The following MEIOC variants were observed in gnomAD, a reference collection of about 807,000 sequenced individuals.
The protein encoded by MEIOC is meiosis specific with coiled-coil domain.
In MEIOC, 9 loss-of-function variants were observed where a neutral mutation model predicts 85.3. The ratio of observed to expected loss-of-function variants is 0.11; its 90% CI spans 0.06 to 0.18. The LOEUF is 0.18. MEIOC is among the 10% of genes least tolerant of loss of function. The pLI is 1.00. For synonymous variants in MEIOC, 365 were observed against 393.7 expected, an observed-to-expected ratio of 0.93 and a Z score of 0.86; for missense variants, 898 against 1,129.4, an observed-to-expected ratio of 0.80 and a Z score of 2.94.
chr17:44,669,122 G>C (rs1971958966), intron 5 of MEIOC, among the ~76,000 whole-genome samples: 1 of 151,904 alleles, frequency 6.6e-6, no homozygotes, highest in Admixed American at 6.6e-5. Flanking sequence ...AGAATCGCTT[G>C]AACCCGGGAA....
In MEIOC at chr17:44,674,644, A is replaced by G. The variant is rs1329052912; in HGVS notation, c.*448A>G. 27 of 988,088 alleles carry G rather than the reference A, an allele frequency of 2.7e-5. No homozygotes were observed. In the South Asian group the frequency reaches 1.2e-3, roughly 44 times the overall value. The allele number at this position is 988,088 out of a possible 1,614,324, so 61.2% of individuals were successfully genotyped here. A position where few individuals can be genotyped will look rare whatever the true frequency, so the allele number is the denominator to read the frequency against. ...CAAGACAAGTTTTGATTGTGATATC[A>G]AAGTGTTTTCCTTACAAAACTGGAT... On this transcript the variant is annotated 3_prime_UTR_variant, in exon 8 of 8. Transcript: ENST00000409122.
At chr17:44,676,397 AGTT>A (rs574561209), downstream of MEIOC, 48 of 152,332 alleles carry the variant, frequency 3.2e-4, no homozygotes, top group African/African-American at 1.0e-3. Flanking sequence ...AATTACCTTG[AGTT>A]GTTATCAGTG....
intron 3 of MEIOC, among the ~76,000 whole-genome samples, chr17:44,663,334 A>G (rs1444756207): frequency 6.6e-6 from 1 of 152,020 alleles, no homozygotes. Flanking sequence ...ATGGGAGCCT[A>G]TTGCAAAGAG....
rs144880520 is a variant in MEIOC, at chr17:44,667,140, C to G, written c.1229C>G (p.Ala410Gly). The change falls in exon 5 of 8, where the codon GCA becomes GGA. Residue 410 changes from alanine (A) to glycine (G), a missense_variant. Physicochemically the swap from Ala to Gly is moderately conservative, Grantham distance 60 (BLOSUM62 0). Around this residue, in one of 2 missense-constraint regions of MEIOC, gnomAD observed 734 missense variants for 860.1 expected, o/e 0.85. Coordinates refer to ENST00000409122, the MANE Select transcript of MEIOC (RefSeq NM_001145080.3). ...HLTEKQFAKE[A>G]VFTADFGLTS... ...ACAGAGAAACAGTTTGCAAAGGAAG[C>G]AGTATTCACTGCTGATTTTGGCTTA... is the stretch of plus-strand genomic sequence containing the variant. The G allele has an allele frequency of 5.3e-5, 85 of 1,613,848 alleles. No individual in the cohort carries two copies. The African/African-American group carries it at 9.7e-4, about 18-fold the overall frequency.
At position 44,665,384 on chromosome 17, in the gene MEIOC, G is replaced by T. The variant is rs1971890662; in HGVS notation, c.360G>T (p.Arg120Ser). 1 of 1,523,072 alleles carries T rather than the reference G, an allele frequency of 6.6e-7. No individual in the cohort carries two copies. Among genetic ancestry groups the T allele is most frequent in the Non-Finnish European group, 8.9e-7 (1 of 1,128,544 alleles). 94.3% of individuals were successfully genotyped at this position (1,523,072 alleles called of 1,614,324 possible). A position where few individuals can be genotyped will look rare whatever the true frequency, so the allele number is the denominator to read the frequency against. ...TCAGCACGAATTCATTTATTTTTAG[G>T]ATTCAAACAGAAAGAAATGACTATG... Reference protein sequence around the residue: ...PSNSQISIKNRIQTERNDYGS... With the variant: ...PSNSQISIKNSIQTERNDYGS... Residue 120 changes from arginine (R) to serine (S), a missense_variant and splice_region_variant, in exon 4 of 8, where the codon AGG becomes AGT. Arg to Ser is a moderately radical substitution (Grantham distance 110). Coordinates refer to ENST00000409122, the MANE Select transcript of MEIOC (RefSeq NM_001145080.3).
intron 2 of MEIOC, among the ~76,000 whole-genome samples, chr17:44,659,226 A>G (rs2144656669): frequency 2.0e-5 from 3 of 152,346 alleles, no homozygotes; most frequent in Middle Eastern, 6.8e-3. Flanking sequence ...AGAATCTTGT[A>G]TATTATTATG....
rs1405349996 is a variant in MEIOC at position 44,667,637 on chromosome 17, T to C, written c.1726T>C (p.Leu576=). The C allele has an allele frequency of 3.7e-6, 6 of 1,612,738 alleles. No individual in the cohort carries two copies. Among genetic ancestry groups the C allele is most frequent in the East Asian group, 2.2e-5 (1 of 44,870 alleles). Residue 576 remains leucine, a synonymous_variant, in exon 5 of 8, where the codon TTG becomes CTG. Transcript: ENST00000409122. ...TKPGEENLFK[L]VTDKKIKQPN... ...GCCTGGAGAAGAAAATCTCTTCAAATTGGTTACGGATAAAAAAATAAAGCA... is the reference window on the plus strand; with the variant it reads ...GCCTGGAGAAGAAAATCTCTTCAAACTGGTTACGGATAAAAAAATAAAGCA...
chr17:44,660,532 C>T (rs928981677), intron 2 of MEIOC, among the ~76,000 whole-genome samples: 8 of 152,052 alleles, frequency 5.3e-5, no homozygotes, highest in African/African-American at 1.2e-4. Context: ...CCACTGCGCC[C>T]GGCCAGAATT....
downstream of MEIOC, chr17:44,676,355 G>A (rs1231917737): frequency 6.6e-6 from 1 of 152,072 alleles, no homozygotes; most frequent in Non-Finnish European, 1.5e-5. Flanking sequence ...GAAAGAACTT[G>A]GTGTACTCAT....
At position 44,657,128 on chromosome 17, in the gene MEIOC, C is replaced by T; in HGVS notation, c.71C>T (p.Pro24Leu). Reference protein sequence around the residue: ...PSGLREEGLEPKVAFPGGANR... With the variant: ...PSGLREEGLELKVAFPGGANR... ...ATTTCCTATTCCCGTGTGCTGCAGCCCAAAGTCGCGTTCCCCGGAGGTGCG... is the reference window on the plus strand; with the variant it reads ...ATTTCCTATTCCCGTGTGCTGCAGCTCAAAGTCGCGTTCCCCGGAGGTGCG... The change falls in exon 2 of 8, where the codon CCC becomes CTC. Residue 24 changes from proline to leucine, a missense_variant and splice_region_variant. Pro to Leu is a moderately conservative substitution (Grantham distance 98, BLOSUM62 -3). This residue lies in a region of MEIOC where 734 missense variants were observed against 860.1 expected (regional missense o/e 0.85). Transcript: ENST00000409122. 1 of 1,549,532 alleles carries T rather than the reference C, an allele frequency of 6.5e-7. No homozygotes were observed. Among genetic ancestry groups the T allele is most frequent in the Non-Finnish European group, 8.7e-7 (1 of 1,146,676 alleles).
intron 6 of MEIOC, chr17:44,671,267 T>C (rs561874843): frequency 6.6e-6 from 1 of 151,814 alleles, no homozygotes; most frequent in Non-Finnish European, 1.5e-5. Flanking sequence ...TTTATCTCAG[T>C]AATACATTTC....
Position 44,674,330 on chromosome 17 carries a change from T to C in MEIOC, c.*134T>C, listed in dbSNP as rs1229330833. 1 of 1,415,984 alleles carries C rather than the reference T, an allele frequency of 7.1e-7. No homozygotes were observed. Among genetic ancestry groups the C allele is most frequent in the African/African-American group, 1.4e-5 (1 of 69,484 alleles). The allele number at this position is 1,415,984 out of a possible 1,614,324, so 87.7% of individuals were successfully genotyped here. On this transcript the variant is annotated 3_prime_UTR_variant, in exon 8 of 8. Transcript: ENST00000409122. ...AGTTAATACCAGTACCTTAATGAAG[T>C]CTAACTTCTATTTAAAAATCTTCTA... is the stretch of plus-strand genomic sequence containing the variant.
rs1971795092 is a variant in MEIOC at position 44,658,371 on chromosome 17, G to A, written c.204+1110G>A. Among the ~76,000 whole-genome samples, 5 of 150,034 alleles carry A rather than the reference G, an allele frequency of 3.3e-5. No homozygotes were observed. In the South Asian group the frequency reaches 1.1e-3, roughly 32 times the overall value. Reference sequence around the variant, plus strand: ...GGGGTTTCACTGTGTTAGCCAGTATGGTCTCGATCTCCTGACCTCGTGATC... The same window carrying A: ...GGGGTTTCACTGTGTTAGCCAGTATAGTCTCGATCTCCTGACCTCGTGATC... On this transcript the variant is annotated intron_variant, in intron 2 of 7. Coordinates refer to ENST00000409122, the MANE Select transcript of MEIOC (RefSeq NM_001145080.3).
At chr17:44,660,074 A>G (rs1474524495) in intron 2 of MEIOC, among the ~76,000 whole-genome samples, 1 of 152,172 alleles carries the variant, frequency 6.6e-6, no homozygotes, top group Non-Finnish European at 1.5e-5. Flanking sequence ...GTATTTCTTA[A>G]TGTTCACATT....
In MEIOC at chr17:44,667,563, G is replaced by C. The variant is rs765769398; in HGVS notation, c.1652G>C (p.Ser551Thr). 3.8e-5 allele frequency: 62 copies of C among 1,613,748 alleles called. No homozygotes were observed. The highest frequency in any genetic ancestry group is 5.1e-5 in the Non-Finnish European group (60 of 1,179,848). The change falls in exon 5 of 8, where the codon AGT (serine) becomes ACT (threonine). Residue 551 changes from serine to threonine, a missense_variant. Coordinates refer to ENST00000409122, the MANE Select transcript of MEIOC (RefSeq NM_001145080.3). ...SAFSSFDFSY[S>T]GAERIQSVNH... Reference sequence around the variant, plus strand: ...TTTTCTAGTTTTGATTTTAGTTACAGTGGTGCAGAAAGAATCCAATCTGTC... The same window carrying C: ...TTTTCTAGTTTTGATTTTAGTTACACTGGTGCAGAAAGAATCCAATCTGTC...
Position 44,666,656 on chromosome 17 carries a change from A to G in MEIOC, c.745A>G (p.Asn249Asp). 1.9e-6 allele frequency: 3 copies of G among 1,612,132 alleles called. No individual in the cohort carries two copies. The highest frequency in any genetic ancestry group is 2.5e-6 in the Non-Finnish European group (3 of 1,178,920). The change falls in exon 5 of 8, where the codon AAT becomes GAT. Residue 249 changes from asparagine to aspartate, a missense_variant. Physicochemically the swap from Asn to Asp is conservative, Grantham distance 23 (BLOSUM62 1). This residue lies in a region of MEIOC where 734 missense variants were observed against 860.1 expected (regional missense o/e 0.85). Coordinates refer to ENST00000409122, the MANE Select transcript of MEIOC (RefSeq NM_001145080.3). ...PSRSDHSNCH[N>D]IQTNDTAKTT... The stretch of plus-strand genomic sequence containing the variant: ...ACGAAGTGATCATTCTAACTGTCAC[A>G]ATATTCAGACAAATGATACAGCTAA...
chr17:44,661,833 C>T (rs1481914902), intron 2 of MEIOC, among the ~76,000 whole-genome samples: 1 of 152,150 alleles, frequency 6.6e-6, no homozygotes, highest in African/African-American at 2.4e-5. Context: ...CTTGAGCCAC[C>T]GCGCCTGGCC....
chr17:44,663,820 C>T (rs534377396), intron 3 of MEIOC, among the ~76,000 whole-genome samples: 6 of 152,010 alleles, frequency 3.9e-5, no homozygotes, highest in Non-Finnish European at 7.4e-5. Context: ...ATTGGACTTA[C>T]AGGGAGACTA....
chr17:44,669,425 T>C lies in MEIOC; in HGVS notation c.2365T>C (p.Ser789Pro), dbSNP rs1971965641. 4.5e-6 allele frequency: 7 copies of C among 1,571,982 alleles called. No homozygotes were observed. The highest frequency in any genetic ancestry group is 6.0e-6 in the Non-Finnish European group (7 of 1,157,456). The change falls in exon 6 of 8, where the codon TCC becomes CCC. Residue 789 changes from serine to proline, a missense_variant. Ser to Pro is a moderately conservative substitution (Grantham distance 74, BLOSUM62 -1). Transcript: ENST00000409122. ...LAKNYPGKKV[S>P]STNNTPVPRL... ...CAAGAATTATCCTGGAAAAAAAGTA[T>C]CCAGTACTAACAACACTCCAGTTCC...
Sources: allele counts gnomAD v4.1 joint callset (sites outside exome capture counted in the v4.1 genomes callset), GRCh38; gene constraint gnomAD v4.1.1; regional missense constraint gnomAD v4.1.1; transcripts MANE v1.5; gene names NCBI Gene and HGNC (gene_info 2026-07-23, HGNC 2026-07-21).